GRIP1: variants seen among roughly 807,000 people sequenced by gnomAD.
GRIP1 encodes the protein glutamate receptor-interacting protein 1.
Under a neutral mutation model 129.9 loss-of-function variants are expected in GRIP1, and 45 were observed. The observed-to-expected ratio is 0.35, with a 90% CI of 0.27 to 0.44. GRIP1 has a LOEUF of 0.44. GRIP1 is among the 20% of genes least tolerant of loss of function. GRIP1 has a pLI of 1.00. For synonymous variants in GRIP1, 530 were observed against 520.8 expected (o/e 1.02, Z -0.24); for missense variants, 1,196 against 1,396.8 (o/e 0.86, Z 2.29).
chr12:67,025,346 C>T (rs1235057494), intron 1 of GRIP1, among the ~76,000 whole-genome samples: 2 of 151,310 alleles, frequency 1.3e-5, no homozygotes, highest in African/African-American at 2.4e-5. Flanking sequence ...GTCTCAAATA[C>T]ACACACACAC....
intron 1 of GRIP1, among the ~76,000 whole-genome samples, chr12:66,750,763 A>G (rs2037101062): frequency 6.6e-6 from 1 of 152,244 alleles, no homozygotes; most frequent in Non-Finnish European, 1.5e-5. Context: ...TCCATCACAC[A>G]GATTTAAATG....
intron 13 of GRIP1, among the ~76,000 whole-genome samples, chr12:66,438,369 A>G (rs1490937620): frequency 6.6e-6 from 1 of 152,190 alleles, no homozygotes; most frequent in Non-Finnish European, 1.5e-5. Context: ...AACAAGCAGC[A>G]CTGACAGACC....
intron 1 of GRIP1, among the ~76,000 whole-genome samples, chr12:66,938,173 C>G (rs1392807008): frequency 6.6e-6 from 1 of 151,970 alleles, no homozygotes; most frequent in Non-Finnish European, 1.5e-5. Context: ...GTCAAGAGAT[C>G]AAGACCATCC....
At chr12:66,979,232 A>AAAAAAAC (rs2042203035) in intron 1 of GRIP1, among the ~76,000 whole-genome samples, 1 of 129,478 alleles carries the variant, frequency 7.7e-6, no homozygotes, top group South Asian at 2.5e-4. Flanking sequence ...TAAAAAAAAA[A>AAAAAAAC]AAAAAAAAAA....
chr12:66,617,085 TTGTGTGTGTGTGTGTGTG>T (rs71436017), intron 1 of GRIP1, among the ~76,000 whole-genome samples: 2 of 135,450 alleles, frequency 1.5e-5, no homozygotes, highest in Non-Finnish European at 3.1e-5. Context: ...AACAGACGTT[TTGTGTGTGTGTGTGTGTG>T]TGTGTGTGTG....
rs115340675 is a variant in GRIP1 at position 66,854,915 on chromosome 12, T to C, written c.58+214135A>G. Among the ~76,000 whole-genome samples the C allele has an allele frequency of 6.9e-3, 1,054 of 152,188 alleles. 18 individuals carry two copies. Among genetic ancestry groups the C allele is most frequent in the African/African-American group, 0.024 (1,006 of 41,552 alleles). ...CCAAATACTTTCACTATTGAGTTCA[T>C]ATCCCATGGCTCTTTGTAAAGAGAA... On this transcript the variant is annotated intron_variant, in intron 1 of 1. Transcript: ENST00000643019.
intron 1 of GRIP1, among the ~76,000 whole-genome samples, chr12:66,777,435 T>C (rs2038017337): frequency 1.3e-5 from 2 of 152,182 alleles, no homozygotes; most frequent in South Asian, 4.1e-4. Flanking sequence ...GAGCACCCTA[T>C]TTGTGATGGA....
chr12:66,736,988 C>T (rs1400386421), intron 1 of GRIP1, among the ~76,000 whole-genome samples: 1 of 150,124 alleles, frequency 6.7e-6, no homozygotes, highest in Non-Finnish European at 1.5e-5. Context: ...TGCAGACTGA[C>T]AACTATTCAT....
intron 11 of GRIP1, among the ~76,000 whole-genome samples, chr12:66,447,150 C>G (rs953059811): frequency 6.6e-6 from 1 of 152,196 alleles, no homozygotes; most frequent in Non-Finnish European, 1.5e-5. Context: ...GGTGGAAAGC[C>G]ATTGTCTTCG....
intron 1 of GRIP1, among the ~76,000 whole-genome samples, chr12:66,935,451 C>A (rs1471553355): frequency 3.3e-5 from 5 of 151,910 alleles, no homozygotes; most frequent in Non-Finnish European, 5.9e-5. Context: ...CTAGAAAGAC[C>A]AATTATGTGA....
chr12:67,019,032 C>T (rs531140249), intron 1 of GRIP1, among the ~76,000 whole-genome samples: 1 of 152,200 alleles, frequency 6.6e-6, no homozygotes, highest in East Asian at 1.9e-4. Context: ...TTAAATGGGG[C>T]TGATAACAGG....
chr12:66,515,664 C>T lies in GRIP1; in HGVS notation c.679G>A (p.Gly227Arg), dbSNP rs2060823393. 5 of 1,613,468 alleles carry T rather than the reference C, an allele frequency of 3.1e-6. No homozygotes were observed. In the South Asian group the frequency reaches 5.5e-5, roughly 18 times the overall value. Residue 227 changes from glycine to arginine, a missense_variant, in exon 7 of 25, where the codon GGA (glycine) becomes AGA (arginine). By Grantham distance (125) the Gly-to-Arg change is moderately radical (BLOSUM62 -2). Around this residue, in one of 5 missense-constraint regions of GRIP1, gnomAD observed 508 missense variants for 587.0 expected, o/e 0.87. Transcript: ENST00000359742. ...TCTATCAGCAGTGCTGCTTCTTGTCCACATTGTTTAAGAATACTCATGGCT... is the reference window on the plus strand; with the variant it reads ...TCTATCAGCAGTGCTGCTTCTTGTCTACATTGTTTAAGAATACTCATGGCT... The part of the protein sequence containing the change: ...AEAMSILKQC[G>R]QEAALLIEYD...
At chr12:66,663,827 C>T (rs1220128484) in intron 1 of GRIP1, among the ~76,000 whole-genome samples, 2 of 152,216 alleles carry the variant, frequency 1.3e-5, no homozygotes, top group Non-Finnish European at 2.9e-5. Flanking sequence ...TCCGTTTGCA[C>T]CTGCCAAGTG....
intron 1 of GRIP1, among the ~76,000 whole-genome samples, chr12:66,788,448 C>T (rs905785527): frequency 6.6e-6 from 1 of 151,852 alleles, no homozygotes; most frequent in Non-Finnish European, 1.5e-5. Flanking sequence ...GTGTTGAATA[C>T]TAGGGAGATG....
intron 1 of GRIP1, among the ~76,000 whole-genome samples, chr12:66,765,844 G>A (rs944441570): frequency 1.3e-5 from 2 of 152,180 alleles, no homozygotes; most frequent in African/African-American, 2.4e-5. Flanking sequence ...GGAGGAAGAG[G>A]CAGAAATAGA....
rs368138106 is a variant in GRIP1 at position 66,743,101 on chromosome 12, G to T, written c.-420+60952C>A. Among the ~76,000 whole-genome samples the T allele has an allele frequency of 3.3e-5, 5 of 152,154 alleles. No homozygotes were observed. The East Asian group carries it at 7.7e-4, about 24-fold the overall frequency. The stretch of plus-strand genomic sequence containing the variant: ...ATAATAGACATGAAAAATAAATAAA[G>T]AAGAGAACCATTCTCCAGCTAGAAT... On this transcript the variant is annotated intron_variant, in intron 1 of 4. Transcript: ENST00000538373.
intron 1 of GRIP1, among the ~76,000 whole-genome samples, chr12:66,943,341 G>C (rs951372213): frequency 6.6e-6 from 1 of 152,200 alleles, no homozygotes; most frequent in East Asian, 1.9e-4. Flanking sequence ...GCCCACTTGG[G>C]ATGAGGAGAG....
intron 2 of GRIP1, among the ~76,000 whole-genome samples, chr12:66,551,358 T>C (rs544785891): frequency 4.1e-4 from 62 of 152,328 alleles, no homozygotes; most frequent in Admixed American, 1.7e-3. Context: ...CAACGTATGC[T>C]GCTGAGAAAG....
intron 1 of GRIP1, among the ~76,000 whole-genome samples, chr12:66,961,892 G>A (rs998565029): frequency 6.6e-6 from 1 of 152,232 alleles, no homozygotes; most frequent in South Asian, 2.1e-4. Context: ...GCTAAAAAAC[G>A]TTGTTTGCTT....
Sources: allele counts gnomAD v4.1 joint callset (sites outside exome capture counted in the v4.1 genomes callset), GRCh38; gene constraint gnomAD v4.1.1; regional missense constraint gnomAD v4.1.1; transcripts MANE v1.5; gene names NCBI Gene and HGNC (gene_info 2026-07-23, HGNC 2026-07-21).